Variants in MALRD1 observed in about 807,000 individuals in gnomAD.
MALRD1 encodes the protein MAM and LDL receptor class A domain containing 1, also known as MAM and LDL-receptor class A domain-containing protein 1.
A neutral mutation model predicts 242.1 loss-of-function variants in MALRD1; 247 were observed. That is an observed-to-expected ratio of 1.02 (90% CI 0.92 to 1.13). MALRD1 has a LOEUF of 1.13. Among genes scored for constraint, MALRD1 ranks in the 50% most tolerant of loss-of-function variants. The pLI is 0.00. For synonymous variants in MALRD1, 995 were observed against 866.6 expected (o/e 1.15, Z -2.60); for missense variants, 2,989 against 2,533.1 (o/e 1.18, Z -3.86).
At position 19,352,079 on chromosome 10, in the gene MALRD1, A is replaced by G; in HGVS notation, c.4223A>G (p.Gln1408Arg). Residue 1408 changes from glutamine (Q) to arginine (R), a missense_variant, in exon 26 of 40, where the codon CAA becomes CGA. Gln to Arg is a conservative substitution (Grantham distance 43, BLOSUM62 1). Coordinates refer to ENST00000454679, the MANE Select transcript of MALRD1 (RefSeq NM_001142308.3). Reference sequence around the variant, plus strand: ...TTAATGCAGGTGTCAGTCACAAACCAAACGAAGGTTCTACTTAACCTCACT... The same window carrying G: ...TTAATGCAGGTGTCAGTCACAAACCGAACGAAGGTTCTACTTAACCTCACT... Reference protein sequence around the residue: ...LTLMQVSVTNQTKVLLNLTVE... With the variant: ...LTLMQVSVTNRTKVLLNLTVE... 1 of 1,550,518 alleles carries G rather than the reference A, an allele frequency of 6.4e-7. No homozygotes were observed. Among genetic ancestry groups the G allele is most frequent in the Non-Finnish European group, 8.7e-7 (1 of 1,146,894 alleles).
At chr10:19,121,894 G>A (rs1337794366) in intron 5 of MALRD1, among the ~76,000 whole-genome samples, 2 of 152,132 alleles carry the variant, frequency 1.3e-5, no homozygotes, top group East Asian at 3.9e-4. Context: ...GGAATAGAAA[G>A]CTTTGAATAG....
At chr10:19,225,902 C>G (rs1226740534) in intron 18 of MALRD1, among the ~76,000 whole-genome samples, 1 of 152,134 alleles carries the variant, frequency 6.6e-6, no homozygotes, top group African/African-American at 2.4e-5. Flanking sequence ...CCTTGCTTTT[C>G]TTTTTGGAAT....
intron 28 of MALRD1, among the ~76,000 whole-genome samples, chr10:19,413,176 G>T (rs1359556396): frequency 1.3e-5 from 2 of 152,070 alleles, no homozygotes; most frequent in Non-Finnish European, 2.9e-5. Context: ...GAAAAACTGA[G>T]ACTCAAAGAT....
At chr10:19,566,408 G>A (rs1836259845) in intron 32 of MALRD1, among the ~76,000 whole-genome samples, 1 of 150,958 alleles carries the variant, frequency 6.6e-6, no homozygotes, top group Non-Finnish European at 1.5e-5. Context: ...CAAAGTGCTG[G>A]GATTACAGGC....
intron 11 of MALRD1, among the ~76,000 whole-genome samples, chr10:19,153,101 C>T (rs1834001815): frequency 6.6e-6 from 1 of 152,124 alleles, no homozygotes; most frequent in African/African-American, 2.4e-5. Context: ...TGACTTGACA[C>T]TTTCATTTGT....
intron 31 of MALRD1, among the ~76,000 whole-genome samples, chr10:19,507,377 A>G (rs1036716845): frequency 7.9e-5 from 12 of 152,288 alleles, no homozygotes; most frequent in Admixed American, 5.2e-4. Flanking sequence ...GCGTTTAGAA[A>G]AATCGTTCCC....
chr10:19,375,164 C>G (rs1304119006), intron 26 of MALRD1, among the ~76,000 whole-genome samples: 3 of 152,142 alleles, frequency 2.0e-5, no homozygotes, highest in African/African-American at 7.2e-5. Flanking sequence ...AGAAACACAA[C>G]TTATTCTAGT....
At chr10:19,548,422 G>A (rs2131398873) in intron 32 of MALRD1, among the ~76,000 whole-genome samples, 1 of 151,926 alleles carries the variant, frequency 6.6e-6, no homozygotes, top group East Asian at 1.9e-4. Context: ...TATTAAATTA[G>A]TTATCTATTT....
intron 38 of MALRD1, 59 bp downstream of exon 38, chr10:19,692,613 C>A (rs923030762): frequency 1.5e-6 from 2 of 1,336,672 alleles, no homozygotes; most frequent in African/African-American, 3.0e-5. Context: ...TTTTCTTCAA[C>A]ATTTCCTTTG....
At chr10:19,466,971 C>T (rs1481044540) in intron 29 of MALRD1, among the ~76,000 whole-genome samples, 1 of 152,098 alleles carries the variant, frequency 6.6e-6, no homozygotes, top group African/African-American at 2.4e-5. Flanking sequence ...GGATGTTTAA[C>T]ATGTTCATGC....
chr10:19,398,095 T>C (rs1189533279), intron 28 of MALRD1, among the ~76,000 whole-genome samples: 1 of 152,190 alleles, frequency 6.6e-6, no homozygotes, highest in Non-Finnish European at 1.5e-5. Context: ...GCAAATATTT[T>C]ATACCATTCT....
intron 14 of MALRD1, among the ~76,000 whole-genome samples, chr10:19,201,213 A>G (rs1414665840): frequency 2.6e-5 from 4 of 152,162 alleles, no homozygotes; most frequent in Non-Finnish European, 5.9e-5. Context: ...TTAATGGCTA[A>G]CTAGAAGACT....
intron 21 of MALRD1, among the ~76,000 whole-genome samples, chr10:19,322,274 C>A (rs1030754210): frequency 6.6e-6 from 1 of 151,846 alleles, no homozygotes. Context: ...GGATATTTAA[C>A]GTATGATATA....
chr10:19,153,224 G>A (rs908091316), intron 11 of MALRD1, among the ~76,000 whole-genome samples: 4 of 152,046 alleles, frequency 2.6e-5, no homozygotes, highest in South Asian at 2.1e-4. Context: ...AAATTTATTC[G>A]ACATCATTTT....
intron 23 of MALRD1, among the ~76,000 whole-genome samples, chr10:19,329,238 C>T (rs141302529): frequency 1.8e-3 from 280 of 152,234 alleles, no homozygotes; most frequent in Middle Eastern, 6.8e-3. Flanking sequence ...GCACCATGCA[C>T]GAGAGAGACA....
At chr10:19,560,664 G>T (rs955925568) in intron 32 of MALRD1, among the ~76,000 whole-genome samples, 4 of 152,130 alleles carry the variant, frequency 2.6e-5, no homozygotes, top group African/African-American at 4.8e-5. Context: ...CTTTTGCCGG[G>T]ACATGGATGA....
chr10:19,461,738 G>A (rs1292672992), intron 29 of MALRD1, among the ~76,000 whole-genome samples: 1 of 152,096 alleles, frequency 6.6e-6, no homozygotes, highest in Non-Finnish European at 1.5e-5. Context: ...CAGCTACTTA[G>A]AAAGCCGAGG....
chr10:19,283,670 A>T (rs1840940301), intron 21 of MALRD1, among the ~76,000 whole-genome samples: 1 of 152,152 alleles, frequency 6.6e-6, no homozygotes, highest in African/African-American at 2.4e-5. Flanking sequence ...TTTTCAACAT[A>T]GGTGAAAAGA....
At chr10:19,128,477 A>T in intron 8 of MALRD1, 90 bp downstream of exon 8, 1 of 823,386 alleles carries the variant, frequency 1.2e-6, no homozygotes, top group African/African-American at 1.8e-5. Context: ...TCAGTTGCGC[A>T]TAGGCTTTTA....
Sources: allele counts gnomAD v4.1 joint callset (sites outside exome capture counted in the v4.1 genomes callset), GRCh38; gene constraint gnomAD v4.1.1; transcripts MANE v1.5; gene names NCBI Gene and HGNC (gene_info 2026-07-23, HGNC 2026-07-21).